The following PCDHGA4 variants were observed in gnomAD, a reference collection of about 807,000 sequenced individuals.
The protein encoded by PCDHGA4 is protocadherin gamma-A4.
In PCDHGA4, 38 loss-of-function variants were observed where a neutral mutation model predicts 54.6. The observed-to-expected ratio is 0.70, with a 90% CI of 0.54 to 0.91. PCDHGA4 has a LOEUF of 0.91. PCDHGA4 is among the 40% of genes least tolerant of loss of function. The pLI, the probability that PCDHGA4 is intolerant of heterozygous loss-of-function variation, is 0.00. For missense variants in PCDHGA4, 1,298 were observed against 1,220.9 expected, an observed-to-expected ratio of 1.06 and a Z score of -0.94; for synonymous variants, 511 against 512.9, an observed-to-expected ratio of 1.00 and a Z score of 0.05.
At chr5:141,462,152 G>C (rs1336635196) in intron 1 of PCDHGA4, among the ~76,000 whole-genome samples, 6 of 152,034 alleles carry the variant, frequency 3.9e-5, no homozygotes, top group African/African-American at 7.2e-5. Flanking sequence ...TAGAGATGGG[G>C]TTTCATCATG....
intron 1 of PCDHGA4, chr5:141,427,261 C>A (rs903526432): frequency 1.5e-5 from 7 of 456,556 alleles, no homozygotes; most frequent in African/African-American, 4.0e-5. Flanking sequence ...GGAGGCATGA[C>A]CAGCGAATGT....
intron 1 of PCDHGA4, chr5:141,427,090 A>G: frequency 2.2e-6 from 1 of 458,214 alleles, no homozygotes; most frequent in East Asian, 6.9e-5. Context: ...GACCAGGATG[A>G]GGGTGTCAAT....
chr5:141,405,242 A>G, intron 1 of PCDHGA4: 1 of 1,614,156 alleles, frequency 6.2e-7, no homozygotes, highest in Non-Finnish European at 8.5e-7. Flanking sequence ...CGCTGACTCA[A>G]GGAAGAGTCA....
chr5:141,489,804 G>A lies in PCDHGA4; in HGVS notation c.2515-5003G>A, dbSNP rs2099692572. 1 of 1,614,056 alleles carries A rather than the reference G, an allele frequency of 6.2e-7. No homozygotes were observed. The highest frequency in any genetic ancestry group is 1.3e-5 in the African/African-American group (1 of 74,932). ...TGAATGTGAAGACCCTAAAAGATGG[G>A]AAGCCATTCCCAGAGCTGGTGCTAG... On this transcript the variant is annotated intron_variant, in intron 1 of 3. Transcript: ENST00000571252. The surrounding 1 kb of genome is among the most constrained non-coding windows in gnomAD (Gnocchi z 4.5).
At chr5:141,376,602 A>T in intron 1 of PCDHGA4, 1 of 1,521,112 alleles carries the variant, frequency 6.6e-7, no homozygotes, top group Non-Finnish European at 8.9e-7. Flanking sequence ...CTGTTATAGA[A>T]GCGAACCTCT....
At chr5:141,458,081 GTAAGT>G (rs2098936973) in intron 1 of PCDHGA4, among the ~76,000 whole-genome samples, 1 of 152,186 alleles carries the variant, frequency 6.6e-6, no homozygotes, top group Non-Finnish European at 1.5e-5. Context: ...CTATATTGCC[GTAAGT>G]TAAGAGTACT....
intron 1 of PCDHGA4, chr5:141,393,457 C>T (rs780177231): frequency 1.9e-6 from 3 of 1,614,050 alleles, no homozygotes; most frequent in East Asian, 2.2e-5. Flanking sequence ...CTCACGGCCT[C>T]GGATGGCGGC....
At chr5:141,433,220 T>C (rs781745522) in intron 1 of PCDHGA4, 1 of 1,509,734 alleles carries the variant, frequency 6.6e-7, no homozygotes, top group South Asian at 1.2e-5. Flanking sequence ...TTTTTTTTTT[T>C]AATTGCTCTG....
chr5:141,419,514 T>C (rs1180212485), intron 1 of PCDHGA4: 1 of 1,612,266 alleles, frequency 6.2e-7, no homozygotes, highest in Admixed American at 1.7e-5. Context: ...CGCGTGTTGG[T>C]GGGCGACCGT....
chr5:141,355,260 G>C lies in PCDHGA4; in HGVS notation c.153G>C (p.Leu51=), dbSNP rs781255825. 1 of 1,613,426 alleles carries C rather than the reference G, an allele frequency of 6.2e-7. No homozygotes were observed. The highest frequency in any genetic ancestry group is 1.7e-5 in the Admixed American group (1 of 60,010). Residue 51 remains leucine (L), a synonymous_variant, in exon 1 of 4, where the codon CTG becomes CTC. Coordinates refer to ENST00000571252, the MANE Select transcript of PCDHGA4 (RefSeq NM_018917.4). ...GGCTGCTCCAGATCTGCCTTCTCCT[G>C]GGGGTTCTGGTGGAAATCAGGGCCG... is the stretch of plus-strand genomic sequence containing the variant. The part of the protein sequence containing the change: ...HTRLLQICLL[L]GVLVEIRAEQ...
chr5:141,494,468 C>G (rs2099754577), intron 1 of PCDHGA4, among the ~76,000 whole-genome samples: 1 of 152,136 alleles, frequency 6.6e-6, no homozygotes, highest in East Asian at 1.9e-4. Context: ...TGCACCTCTT[C>G]CCCCAGTTCC....
At chr5:141,425,484 TA>T (rs929097245) in intron 1 of PCDHGA4, among the ~76,000 whole-genome samples, 1 of 152,258 alleles carries the variant, frequency 6.6e-6, no homozygotes, top group African/African-American at 2.4e-5. Context: ...TATGGCAACC[TA>T]CTAGGCTATA....
chr5:141,432,271 C>T lies in PCDHGA4; in HGVS notation c.2515-62536C>T. On this transcript the variant is annotated intron_variant, in intron 1 of 3. Transcript: ENST00000571252. The surrounding 1 kb of genome is among the most constrained non-coding windows in gnomAD (Gnocchi z 6.0). ...TCCAAGGGGCAAGCCTATCGTCCTA[C>T]GTGTCCATCAACTCCGACACTGGGG... is the stretch of plus-strand genomic sequence containing the variant. The T allele has an allele frequency of 6.2e-7, 1 of 1,614,264 alleles. No individual in the cohort carries two copies. Among genetic ancestry groups the T allele is most frequent in the Non-Finnish European group, 8.5e-7 (1 of 1,180,050 alleles).
At chr5:141,421,489 G>A in intron 1 of PCDHGA4, 1 of 1,614,094 alleles carries the variant, frequency 6.2e-7, no homozygotes, top group Non-Finnish European at 8.5e-7. Flanking sequence ...CTTGATCACG[G>A]CAGGCAGGAT....
chr5:141,474,518 G>T (rs1054372142), intron 1 of PCDHGA4, among the ~76,000 whole-genome samples: 1 of 152,168 alleles, frequency 6.6e-6, no homozygotes, highest in African/African-American at 2.4e-5. Context: ...CCTCTTGCTG[G>T]TCTGGCTAAT....
intron 1 of PCDHGA4, chr5:141,365,026 C>G (rs897510737): frequency 2.5e-6 from 4 of 1,613,890 alleles, no homozygotes; most frequent in Non-Finnish European, 3.4e-6. Flanking sequence ...GTGTTACGGT[C>G]CTCGACGCAA....
chr5:141,393,073 C>T, intron 1 of PCDHGA4: 1 of 1,613,658 alleles, frequency 6.2e-7, no homozygotes. Context: ...TTGATCACCG[C>T]GGGCAGGATA....
Position 141,356,652 on chromosome 5 carries a change from T to C in PCDHGA4, c.1545T>C (p.Asn515=). The C allele has an allele frequency of 3.1e-6, 5 of 1,614,078 alleles. No homozygotes were observed. Among genetic ancestry groups the C allele is most frequent in the Non-Finnish European group, 4.2e-6 (5 of 1,179,956 alleles). Residue 515 remains asparagine, a synonymous_variant, in exon 1 of 4, where the codon AAT becomes AAC. Transcript: ENST00000571252. ...MTAQDPDSGD[N]ARITYSLAED... ...CTCAAGACCCTGACAGTGGTGACAA[T>C]GCCCGAATCACTTACTCCCTGGCCG... is the stretch of plus-strand genomic sequence containing the variant.
At chr5:141,372,078 G>C in intron 1 of PCDHGA4, 1 of 1,613,738 alleles carries the variant, frequency 6.2e-7, no homozygotes. Context: ...TGCACCGCTG[G>C]TGCTGTACCC....
Sources: allele counts gnomAD v4.1 joint callset (sites outside exome capture counted in the v4.1 genomes callset), GRCh38; gene constraint gnomAD v4.1.1; non-coding constraint Gnocchi (gnomAD v3.1); transcripts MANE v1.5; gene names NCBI Gene and HGNC (gene_info 2026-07-23, HGNC 2026-07-21).